RASGRF1: variants seen among roughly 807,000 people sequenced by gnomAD.
The protein encoded by RASGRF1 is Ras protein specific guanine nucleotide releasing factor 1, also known as ras-specific guanine nucleotide-releasing factor 1.
A neutral mutation model predicts 138.7 loss-of-function variants in RASGRF1; 40 were observed. The ratio of observed to expected loss-of-function variants is 0.29; its 90% CI spans 0.22 to 0.38. The LOEUF is 0.38. Among genes scored for constraint, RASGRF1 ranks in the 10% least tolerant of loss-of-function variants. The probability of loss-of-function intolerance (pLI) is 1.00; values close to 1 mark genes in which losing one functional copy is unlikely to be tolerated. For synonymous variants in RASGRF1, 614 were observed against 663.2 expected (o/e 0.93, Z 1.14); for missense variants, 1,108 against 1,650.4 (o/e 0.67, Z 5.69).
intron 13 of RASGRF1, chr15:79,012,337 C>T: frequency 1.6e-6 from 1 of 616,204 alleles, no homozygotes; most frequent in Non-Finnish European, 2.9e-6. Flanking sequence ...CCATCCTCAA[C>T]TGTGCCAGGT....
At chr15:78,995,868 A>T (rs2056381420) in intron 19 of RASGRF1, 68 bp from the exon 20 acceptor site, 3 of 1,500,106 alleles carry the variant, frequency 2.0e-6, no homozygotes, top group Non-Finnish European at 2.8e-6. Flanking sequence ...CAGCTCGGAC[A>T]GCCCCACACG....
At chr15:78,998,323 A>G (rs1595884415) in intron 18 of RASGRF1, 115 bp from the exon 19 acceptor site, 2 of 858,126 alleles carry the variant, frequency 2.3e-6, no homozygotes, top group Admixed American at 2.3e-5. Context: ...GGGCAGGCTG[A>G]CCTGCCTCAT....
At chr15:79,019,041 G>A (rs1304730410) in intron 11 of RASGRF1, among the ~76,000 whole-genome samples, 8 of 151,992 alleles carry the variant, frequency 5.3e-5, no homozygotes, top group Non-Finnish European at 8.8e-5. Flanking sequence ...GTGGTAACAG[G>A]GGCTGAACAG....
Position 79,032,403 on chromosome 15 carries a change from A to G in RASGRF1, c.959-87T>C. ...GCCCTTGGCTCCCCCAGCTACACCC[A>G]GAGAGGCCAGGGGCCAGGTTCAAGT... On this transcript the variant is annotated intron_variant, in intron 6 of 26. Coordinates refer to ENST00000558480, the MANE Select transcript of RASGRF1 (RefSeq NM_001145648.3). This position sits in a 1 kb window ranked among gnomAD's most constrained non-coding sequence, Gnocchi z 4.5. The G allele has an allele frequency of 7.4e-7, 1 of 1,352,644 alleles. No homozygotes were observed. Among genetic ancestry groups the G allele is most frequent in the South Asian group, 1.3e-5 (1 of 74,248 alleles). The allele number at this position is 1,352,644 out of a possible 1,614,324, so 83.8% of individuals were successfully genotyped here. A position where few individuals can be genotyped will look rare whatever the true frequency, so the allele number is the denominator to read the frequency against.
chr15:79,053,925 G>T (rs2057471102), intron 3 of RASGRF1, among the ~76,000 whole-genome samples: 1 of 152,254 alleles, frequency 6.6e-6, no homozygotes, highest in Non-Finnish European at 1.5e-5. Flanking sequence ...GAAAAAAGTT[G>T]CAGACAATGA....
intron 24 of RASGRF1, chr15:78,979,000 G>C (rs1471748875): frequency 1.5e-6 from 2 of 1,292,454 alleles, no homozygotes; most frequent in Non-Finnish European, 2.0e-6. Context: ...GGGCCCCAGA[G>C]GCAGTGGAGG....
At chr15:79,011,103 G>A (rs556293328) in intron 13 of RASGRF1, among the ~76,000 whole-genome samples, 34 of 151,998 alleles carry the variant, frequency 2.2e-4, no homozygotes, top group Middle Eastern at 3.4e-3. Context: ...TAGGCTATCC[G>A]CTCCCCATTC....
chr15:79,068,403 T>C (rs1380431767), intron 1 of RASGRF1, among the ~76,000 whole-genome samples: 1 of 151,706 alleles, frequency 6.6e-6, no homozygotes, highest in African/African-American at 2.4e-5. Flanking sequence ...TCTTCCTCCT[T>C]GTCATCCTTA....
rs116146918 is a variant in RASGRF1 at position 79,068,708 on chromosome 15, C to T, written c.277-4182G>A. Among the ~76,000 whole-genome samples, 1,382 of 151,994 alleles carry T rather than the reference C, an allele frequency of 9.1e-3. 25 individuals are homozygous for T. Among genetic ancestry groups the T allele is most frequent in the African/African-American group, 0.032 (1,313 of 41,456 alleles). On this transcript the variant is annotated intron_variant, in intron 1 of 26. Coordinates refer to ENST00000558480, the MANE Select transcript of RASGRF1 (RefSeq NM_001145648.3). The stretch of plus-strand genomic sequence containing the variant: ...GGATGTGTGTGGATGTGTTTTGGGT[C>T]TTTCCCTGCACTTCTGGATAGGCCT...
intron 20 of RASGRF1, among the ~76,000 whole-genome samples, chr15:78,994,388 C>T (rs2056346103): frequency 6.6e-6 from 1 of 152,196 alleles, no homozygotes; most frequent in South Asian, 2.1e-4. Context: ...ATGGGAGGGG[C>T]AGGGGCAGCA....
intron 10 of RASGRF1, among the ~76,000 whole-genome samples, chr15:79,024,540 A>G (rs2057017646): frequency 6.6e-6 from 1 of 152,016 alleles, no homozygotes; most frequent in African/African-American, 2.4e-5. Context: ...CATAATCCCC[A>G]TGTGTCATGG....
At position 79,003,795 on chromosome 15, in the gene RASGRF1, C is replaced by T. The variant is rs2056602550; in HGVS notation, c.2449+7G>A. 6.3e-7 allele frequency: 1 copy of T among 1,580,344 alleles called. No homozygotes were observed. The highest frequency in any genetic ancestry group is 1.7e-4 in the Middle Eastern group (1 of 5,900). Reference sequence around the variant, plus strand: ...TGGGGGGCAGCTCCGACGGCATGGCCACTCACTCTGCTTGCTGAGCGCTGA... The same window carrying T: ...TGGGGGGCAGCTCCGACGGCATGGCTACTCACTCTGCTTGCTGAGCGCTGA... On this transcript the variant is annotated splice_region_variant and intron_variant, in intron 15 of 26. Coordinates refer to ENST00000558480, the MANE Select transcript of RASGRF1 (RefSeq NM_001145648.3).
intron 15 of RASGRF1, among the ~76,000 whole-genome samples, chr15:79,002,907 G>A (rs189821501): frequency 2.0e-5 from 3 of 152,358 alleles, no homozygotes; most frequent in South Asian, 2.1e-4. Flanking sequence ...AGCCTGGGGC[G>A]TCTGACCAGC....
At chr15:79,017,737 C>T (rs1342823108) in intron 12 of RASGRF1, 33 bp downstream of exon 12, 25 of 1,582,382 alleles carry the variant, frequency 1.6e-5, no homozygotes, top group Non-Finnish European at 1.8e-5. Flanking sequence ...ATGAAGGGAC[C>T]ACTCGCTTTC....
intron 24 of RASGRF1, 104 bp downstream of exon 24, chr15:78,980,516 C>G: frequency 1.1e-6 from 1 of 871,012 alleles, no homozygotes; most frequent in Middle Eastern, 2.3e-4. Flanking sequence ...GACGAACAGA[C>G]AGACAGAAAG....
chr15:79,062,695 C>T (rs967004168), intron 2 of RASGRF1, among the ~76,000 whole-genome samples: 3 of 152,068 alleles, frequency 2.0e-5, no homozygotes, highest in South Asian at 2.1e-4. Flanking sequence ...TACCACCCCC[C>T]GCTATGCCCA....
At chr15:79,075,839 C>T (rs534905834) in intron 1 of RASGRF1, among the ~76,000 whole-genome samples, 2 of 152,358 alleles carry the variant, frequency 1.3e-5, no homozygotes, top group African/African-American at 4.8e-5. Context: ...GCAGCCTTGT[C>T]ATCTCTCTGA....
At chr15:78,994,361 G>A (rs999035413) in intron 20 of RASGRF1, among the ~76,000 whole-genome samples, 2 of 152,212 alleles carry the variant, frequency 1.3e-5, no homozygotes, top group African/African-American at 4.8e-5. Context: ...ACCACTTCCA[G>A]GAACCAGGAG....
chr15:78,999,732 A>G lies in RASGRF1; in HGVS notation c.2746+11T>C, dbSNP rs1185114640. On this transcript the variant is annotated intron_variant, in intron 17 of 26. Transcript: ENST00000558480. ...GGGGAGGACCCTGTGAGTGGAGAACACCCCACATACCTGCACTGGCTAAGG... is the reference window on the plus strand; with the variant it reads ...GGGGAGGACCCTGTGAGTGGAGAACGCCCCACATACCTGCACTGGCTAAGG... 1 of 1,611,234 alleles carries G rather than the reference A, an allele frequency of 6.2e-7. No individual in the cohort carries two copies. Among genetic ancestry groups the G allele is most frequent in the Admixed American group, 1.7e-5 (1 of 59,962 alleles).
Sources: allele counts gnomAD v4.1 joint callset (sites outside exome capture counted in the v4.1 genomes callset), GRCh38; gene constraint gnomAD v4.1.1; non-coding constraint Gnocchi (gnomAD v3.1); transcripts MANE v1.5; gene names NCBI Gene and HGNC (gene_info 2026-07-23, HGNC 2026-07-21).